Variants in TMTC1 observed in about 807,000 individuals in gnomAD.
The protein encoded by TMTC1 is protein O-mannosyl-transferase TMTC1.
In TMTC1, 73 loss-of-function variants were observed where a neutral mutation model predicts 104.8. That is an observed-to-expected ratio of 0.70 (90% CI 0.58 to 0.85). The LOEUF (loss-of-function observed/expected upper bound fraction) is 0.85. TMTC1 is among the 40% of genes least tolerant of loss of function. The probability of loss-of-function intolerance (pLI) is 0.00; values close to 1 mark genes in which losing one functional copy is unlikely to be tolerated. For synonymous variants in TMTC1, 434 were observed against 428.7 expected, an observed-to-expected ratio of 1.01 and a Z score of -0.15; for missense variants, 1,035 against 1,096.1, an observed-to-expected ratio of 0.94 and a Z score of 0.79.
intron 6 of TMTC1, among the ~76,000 whole-genome samples, chr12:29,619,882 C>T (rs1223711037): frequency 6.6e-6 from 1 of 152,174 alleles, no homozygotes; most frequent in African/African-American, 2.4e-5. Context: ...AAGTGTGTTA[C>T]TACTATTACC....
chr12:29,536,223 A>G lies in TMTC1; in HGVS notation c.1771T>C (p.Leu591=). Reference sequence around the variant, plus strand: ...GAAACAATTACCTGCTCAGCCAATAACGAAGCTAAGCTTGAATATGCATCT... The same window carrying G: ...GAAACAATTACCTGCTCAGCCAATAGCGAAGCTAAGCTTGAATATGCATCT... ...FADAYSSLAS[L]LAEQERFKEA... is the part of the protein sequence containing the mutation. The change falls in exon 11 of 18, where the codon TTA becomes CTA. Residue 591 remains leucine, a synonymous_variant. Transcript: ENST00000539277. 6.2e-7 allele frequency: 1 copy of G among 1,608,564 alleles called. No individual in the cohort carries two copies. The highest frequency in any genetic ancestry group is 8.5e-7 in the Non-Finnish European group (1 of 1,175,434).
chr12:29,564,343 C>T (rs1415211483), intron 9 of TMTC1, among the ~76,000 whole-genome samples: 1 of 152,032 alleles, frequency 6.6e-6, no homozygotes, highest in Non-Finnish European at 1.5e-5. Context: ...GAAGGAACCC[C>T]TTAAAAAGCA....
At chr12:29,602,993 G>C (rs1946606854) in intron 7 of TMTC1, among the ~76,000 whole-genome samples, 1 of 152,058 alleles carries the variant, frequency 6.6e-6, no homozygotes, top group Admixed American at 6.5e-5. Flanking sequence ...GCCACTTTTT[G>C]GTCTTCTATA....
intron 5 of TMTC1, among the ~76,000 whole-genome samples, chr12:29,747,694 G>A (rs1020514128): frequency 5.3e-5 from 8 of 152,130 alleles, no homozygotes; most frequent in African/African-American, 1.9e-4. Flanking sequence ...ACCCATACGG[G>A]GAAAATAATA....
intron 7 of TMTC1, among the ~76,000 whole-genome samples, chr12:29,586,502 C>T (rs1329104249): frequency 3.9e-5 from 6 of 152,114 alleles, no homozygotes; most frequent in Admixed American, 1.3e-4. Flanking sequence ...GAGGACATCC[C>T]TGTCTTGTGC....
chr12:29,663,609 C>T (rs543275048), intron 5 of TMTC1, among the ~76,000 whole-genome samples: 5 of 151,868 alleles, frequency 3.3e-5, no homozygotes, highest in South Asian at 2.1e-4. Context: ...TTCTGCCTCC[C>T]GGGTTCAAGC....
chr12:29,543,577 T>C (rs996436016), intron 10 of TMTC1, among the ~76,000 whole-genome samples: 4 of 152,186 alleles, frequency 2.6e-5, no homozygotes, highest in African/African-American at 9.7e-5. Context: ...TCTGTTGTTG[T>C]TGGATTCAAA....
At chr12:29,543,436 C>T (rs923914394) in intron 10 of TMTC1, among the ~76,000 whole-genome samples, 4 of 152,062 alleles carry the variant, frequency 2.6e-5, no homozygotes, top group African/African-American at 9.7e-5. Context: ...TTGGGGAGAA[C>T]GTAGGAAATG....
chr12:29,677,712 C>T (rs560292835), intron 5 of TMTC1, among the ~76,000 whole-genome samples: 3 of 152,282 alleles, frequency 2.0e-5, no homozygotes, highest in African/African-American at 7.2e-5. Flanking sequence ...TCCCTGTGTC[C>T]GGCATATCCA....
intron 5 of TMTC1, among the ~76,000 whole-genome samples, chr12:29,638,385 G>C (rs1938664691): frequency 6.6e-6 from 1 of 152,028 alleles, no homozygotes. Context: ...TCTAGGGAAA[G>C]ACTACCTTCC....
chr12:29,652,781 G>A (rs1939582329), intron 5 of TMTC1, among the ~76,000 whole-genome samples: 1 of 152,176 alleles, frequency 6.6e-6, no homozygotes, highest in African/African-American at 2.4e-5. Flanking sequence ...AAATATCTTC[G>A]CTGGGCACAG....
At chr12:29,598,569 T>C (rs1022293958) in intron 7 of TMTC1, among the ~76,000 whole-genome samples, 1 of 152,260 alleles carries the variant, frequency 6.6e-6, no homozygotes, top group Non-Finnish European at 1.5e-5. Context: ...TCAAAAAAGT[T>C]CCGTTTCTCA....
intron 10 of TMTC1, among the ~76,000 whole-genome samples, chr12:29,542,537 C>T (rs1345887459): frequency 2.0e-5 from 3 of 151,918 alleles, no homozygotes; most frequent in Non-Finnish European, 4.4e-5. Context: ...AATTCTGGTG[C>T]GTAAAACTCT....
rs147780879 is a variant in TMTC1, at chr12:29,580,236, T to C, written c.1418+3171A>G. Among the ~76,000 whole-genome samples, 482 of 152,184 alleles carry C rather than the reference T, an allele frequency of 3.2e-3. 6 individuals are homozygous for C. The highest frequency in any genetic ancestry group is 0.011 in the African/African-American group (457 of 41,502). On this transcript the variant is annotated intron_variant, in intron 8 of 17. Transcript: ENST00000539277. ...CGGTAGGCTGAGGTGAGAAGATCGC[T>C]TGAGTCTGAGAGGTCAAGGCTGCAG...
chr12:29,725,207 G>A (rs914361100), intron 5 of TMTC1, among the ~76,000 whole-genome samples: 6 of 148,882 alleles, frequency 4.0e-5, no homozygotes, highest in African/African-American at 1.5e-4. Flanking sequence ...TTTTTTTTTA[G>A]TAGAGATGGG....
chr12:29,524,656 T>C (rs1324985888), intron 11 of TMTC1, among the ~76,000 whole-genome samples: 3 of 152,048 alleles, frequency 2.0e-5, no homozygotes, highest in African/African-American at 4.8e-5. Context: ...ACTAGAAGAG[T>C]GAAGGCCCCT....
intron 10 of TMTC1, among the ~76,000 whole-genome samples, chr12:29,542,659 G>T (rs1229534957): frequency 6.6e-6 from 1 of 152,034 alleles, no homozygotes; most frequent in Non-Finnish European, 1.5e-5. Context: ...GCTTAGCATG[G>T]ATCAATTGAT....
At chr12:29,683,958 C>G (rs79108298) in intron 5 of TMTC1, among the ~76,000 whole-genome samples, 1 of 151,974 alleles carries the variant, frequency 6.6e-6, no homozygotes, top group African/African-American at 2.4e-5. Context: ...ATCCTCCCAT[C>G]TTAGCTTTCC....
chr12:29,748,892 A>C (rs897688792), intron 5 of TMTC1, among the ~76,000 whole-genome samples: 1 of 152,252 alleles, frequency 6.6e-6, no homozygotes, highest in East Asian at 1.9e-4. Flanking sequence ...AAGGTAGTAC[A>C]TATTCAAAGC....
Sources: gnomAD v4.1 joint callset for allele counts (sites outside exome capture counted in the v4.1 genomes callset) on GRCh38, gnomAD v4.1.1 for gene constraint, MANE v1.5 for transcripts, NCBI Gene and HGNC (gene_info 2026-07-23, HGNC 2026-07-21) for gene names.